ZHX3: variants seen among roughly 807,000 people sequenced by gnomAD.
ZHX3 encodes zinc fingers and homeoboxes 3.
In ZHX3, 20 loss-of-function variants were observed where a neutral mutation model predicts 64.5. The ratio of observed to expected loss-of-function variants is 0.31; its 90% CI spans 0.22 to 0.45. ZHX3 has a LOEUF of 0.45. Among genes scored for constraint, ZHX3 ranks in the 20% least tolerant of loss-of-function variants. The probability of loss-of-function intolerance (pLI) is 1.00; values close to 1 mark genes in which losing one functional copy is unlikely to be tolerated. For synonymous variants in ZHX3, 423 were observed against 461.6 expected, an observed-to-expected ratio of 0.92 and a Z score of 1.07; for missense variants, 1,041 against 1,195.8, an observed-to-expected ratio of 0.87 and a Z score of 1.91.
Position 41,250,006 on chromosome 20 carries a change from G to T in ZHX3, c.-151+18984C>A, listed in dbSNP as rs1031169911. 2.6e-5 allele frequency among the ~76,000 whole-genome samples: 4 copies of T among 152,210 alleles called. No individual in the cohort carries two copies. The South Asian group carries it at 8.3e-4, about 32-fold the overall frequency. The stretch of plus-strand genomic sequence containing the variant: ...GCCAGCTGGAAGCACCAACAAGGGG[G>T]ATAGCTCAGGACCCCACTAACAATA... On this transcript the variant is annotated intron_variant, in intron 2 of 3. Coordinates refer to ENST00000683867, the MANE Select transcript of ZHX3 (RefSeq NM_001384317.1).
rs1190587521 is a variant in ZHX3, at chr20:41,204,274, A to G, written c.643T>C (p.Leu215=). ...ATTTCTCCAGTCGACAGCTTTGGTA[A>G]GGCCTCACCCACAGGCTGGCTAGGG... ...NVPSQPVGEA[L]PKLSTGEMEV... The change falls in exon 3 of 4, where the codon TTA becomes CTA. Residue 215 remains leucine, a synonymous_variant. Transcript: ENST00000683867. The surrounding 1 kb of genome is among the most constrained non-coding windows in gnomAD (Gnocchi z 6.6). 1 of 1,614,188 alleles carries G rather than the reference A, an allele frequency of 6.2e-7. No homozygotes were observed. The highest frequency in any genetic ancestry group is 2.2e-5 in the East Asian group (1 of 44,874).
chr20:41,255,600 A>G (rs368541114), intron 2 of ZHX3, among the ~76,000 whole-genome samples: 2 of 152,310 alleles, frequency 1.3e-5, no homozygotes, highest in South Asian at 2.1e-4. Context: ...GAAACAAAGA[A>G]TTCATAACCA....
chr20:41,315,346 CTTTTTTT>C (rs11471425), intron 1 of ZHX3, among the ~76,000 whole-genome samples: 48 of 56,040 alleles, frequency 8.6e-4, no homozygotes, highest in Non-Finnish European at 1.2e-3. Context: ...CCAGGCCTGG[CTTTTTTT>C]TTTTTTTTTT....
chr20:41,242,550 T>C (rs929742989), intron 2 of ZHX3, among the ~76,000 whole-genome samples: 3 of 152,220 alleles, frequency 2.0e-5, no homozygotes, highest in African/African-American at 7.2e-5. Flanking sequence ...GTGAACCCTG[T>C]GAACACTGAT....
At chr20:41,218,791 C>T (rs2039728388) in intron 2 of ZHX3, among the ~76,000 whole-genome samples, 1 of 152,170 alleles carries the variant, frequency 6.6e-6, no homozygotes, top group Non-Finnish European at 1.5e-5. Context: ...AAAGCAATGT[C>T]AAGCCCAGAG....
chr20:41,235,181 TCTA>T (rs2040887155), intron 2 of ZHX3, among the ~76,000 whole-genome samples: 1 of 151,966 alleles, frequency 6.6e-6, no homozygotes, highest in Admixed American at 6.6e-5. Context: ...AAATGTTGGT[TCTA>T]TGGCAAACAA....
At chr20:41,192,637 G>C (rs1023432277) in intron 3 of ZHX3, among the ~76,000 whole-genome samples, 1 of 152,242 alleles carries the variant, frequency 6.6e-6, no homozygotes, top group Non-Finnish European at 1.5e-5. Context: ...CAGTAACCCA[G>C]TCACTTATGC....
chr20:41,192,315 G>C (rs1226956107), intron 3 of ZHX3, among the ~76,000 whole-genome samples: 1 of 152,188 alleles, frequency 6.6e-6, no homozygotes, highest in Admixed American at 6.5e-5. Context: ...GGAGGTGGTG[G>C]TGTAAAGCCA....
chr20:41,188,102 C>CT (rs778419656), intron 3 of ZHX3, among the ~76,000 whole-genome samples: 8 of 152,272 alleles, frequency 5.3e-5, no homozygotes, highest in Non-Finnish European at 1.0e-4. Flanking sequence ...CCTGTGCTAT[C>CT]TATCATTCTA....
At position 41,212,105 on chromosome 20, in the gene ZHX3, G is replaced by C. The variant is rs1028992324; in HGVS notation, c.-150-7039C>G. ...AAGGTCACCATCAAGAAAGTGAAAAGATAGACAATCCACAGAAAGAAAAGG... is the reference window on the plus strand; with the variant it reads ...AAGGTCACCATCAAGAAAGTGAAAACATAGACAATCCACAGAAAGAAAAGG... On this transcript the variant is annotated intron_variant, in intron 2 of 3. Coordinates refer to ENST00000683867, the MANE Select transcript of ZHX3 (RefSeq NM_001384317.1). The surrounding 1 kb of genome is among the most constrained non-coding windows in gnomAD (Gnocchi z 4.3). 6.6e-6 allele frequency among the ~76,000 whole-genome samples: 1 copy of C among 152,128 alleles called. No homozygotes were observed. Among genetic ancestry groups the C allele is most frequent in the Non-Finnish European group, 1.5e-5 (1 of 67,998 alleles).
intron 2 of ZHX3, among the ~76,000 whole-genome samples, chr20:41,220,253 C>G (rs2039844017): frequency 6.6e-6 from 1 of 152,104 alleles, no homozygotes; most frequent in South Asian, 2.1e-4. Flanking sequence ...TGGATTAGAG[C>G]TCGAAGGATG....
At chr20:41,281,018 A>C (rs1031022462) in intron 1 of ZHX3, among the ~76,000 whole-genome samples, 2 of 152,166 alleles carry the variant, frequency 1.3e-5, no homozygotes, top group African/African-American at 4.8e-5. Flanking sequence ...AACAATATTG[A>C]AAAAAAGTAA....
At chr20:41,240,838 A>G (rs554031800) in intron 2 of ZHX3, among the ~76,000 whole-genome samples, 2 of 152,342 alleles carry the variant, frequency 1.3e-5, no homozygotes, top group South Asian at 4.1e-4. Flanking sequence ...TGCAAATGAC[A>G]AGATCTCATT....
At chr20:41,298,181 CA>C (rs1397855295) in intron 1 of ZHX3, among the ~76,000 whole-genome samples, 4 of 152,176 alleles carry the variant, frequency 2.6e-5, no homozygotes, top group African/African-American at 9.7e-5. Context: ...ATTAAAGCAG[CA>C]GCATAGTGGC....
chr20:41,218,961 G>C (rs1277467623), intron 2 of ZHX3, among the ~76,000 whole-genome samples: 1 of 126,130 alleles, frequency 7.9e-6, no homozygotes, highest in Non-Finnish European at 1.6e-5. Context: ...ACGGAGTCTC[G>C]CTCTGTCGCC....
chr20:41,237,062 G>C (rs2041050315), intron 2 of ZHX3, among the ~76,000 whole-genome samples: 1 of 152,174 alleles, frequency 6.6e-6, no homozygotes, highest in Admixed American at 6.5e-5. Context: ...ACCACAATGA[G>C]ATACCATCTC....
intron 2 of ZHX3, among the ~76,000 whole-genome samples, chr20:41,243,299 C>T (rs1380960619): frequency 2.6e-5 from 4 of 152,200 alleles, no homozygotes; most frequent in Admixed American, 1.3e-4. Context: ...AGTGTAATTA[C>T]CTGACGTGGC....
In ZHX3 at chr20:41,181,433, A is replaced by C. The variant is rs1239087708; in HGVS notation, c.*3758T>G. The stretch of plus-strand genomic sequence containing the variant: ...AATCCTAAACGAGGTTTGGTTTTAA[A>C]ATTTTCTTCTTGGCTGGCTCTCCTC... On this transcript the variant is annotated 3_prime_UTR_variant, in exon 4 of 4. Transcript: ENST00000683867. The C allele has an allele frequency of 6.6e-6, 1 of 152,198 alleles. No individual in the cohort carries two copies. The highest frequency in any genetic ancestry group is 1.5e-5 in the Non-Finnish European group (1 of 68,046). The allele number at this position is 152,198 out of a possible 1,614,324, so 9.4% of individuals were successfully genotyped here.
At chr20:41,295,403 T>C (rs2044457756) in intron 1 of ZHX3, among the ~76,000 whole-genome samples, 1 of 152,096 alleles carries the variant, frequency 6.6e-6, no homozygotes, top group Admixed American at 6.5e-5. Flanking sequence ...TACAATGACA[T>C]GGGAACAATA....
Sources: gnomAD v4.1 joint callset for allele counts (sites outside exome capture counted in the v4.1 genomes callset) on GRCh38, gnomAD v4.1.1 for gene constraint, Gnocchi (gnomAD v3.1) non-coding constraint, MANE v1.5 for transcripts, NCBI Gene and HGNC (gene_info 2026-07-23, HGNC 2026-07-21) for gene names.